TCF20: variants seen among roughly 807,000 people sequenced by gnomAD.
TCF20 encodes the protein SPRE-binding protein.
Under a neutral mutation model 148.6 loss-of-function variants are expected in TCF20, and 3 were observed. The observed-to-expected ratio is 0.02, with a 90% confidence interval of 0.01 to 0.05. TCF20 has a LOEUF of 0.05. TCF20 is among the 10% of genes least tolerant of loss of function. TCF20 has a pLI of 1.00. For synonymous variants in TCF20, 1,049 were observed against 909.5 expected (o/e 1.15, Z -2.76); for missense variants, 2,350 against 2,429.3 (o/e 0.97, Z 0.69).
At chr22:42,236,175 C>CA (rs1923865876) in intron 1 of TCF20, among the ~76,000 whole-genome samples, 1 of 151,298 alleles carries the variant, frequency 6.6e-6, no homozygotes, top group Non-Finnish European at 1.5e-5. Flanking sequence ...GATTCCACTT[C>CA]AAAAAAACAA....
Position 42,214,833 on chromosome 22 carries a change from C to A in TCF20, c.473G>T (p.Gly158Val), listed in dbSNP as rs1298558588. 1 of 1,614,066 alleles carries A rather than the reference C, an allele frequency of 6.2e-7. No individual in the cohort carries two copies. The highest frequency in any genetic ancestry group is 1.3e-5 in the African/African-American group (1 of 75,016). ...CTGAGCACTCCCTGGAGAGAAAGGCCCAGTGTAATCCTGCTGATAATGTGA... is the reference window on the plus strand; with the variant it reads ...CTGAGCACTCCCTGGAGAGAAAGGCACAGTGTAATCCTGCTGATAATGTGA... ...GVSHYQQDYTGPFSPGSAQYQ... is the reference protein window; with the variant it reads ...GVSHYQQDYTVPFSPGSAQYQ... Residue 158 changes from glycine (G) to valine (V), a missense_variant, in exon 2 of 6, where the codon GGG becomes GTG. By Grantham distance (109) the Gly-to-Val change is moderately radical. Around this residue, in one of 7 missense-constraint regions of TCF20, gnomAD observed 1,641 missense variants for 1,662.6 expected, o/e 0.99. Coordinates refer to ENST00000677622, the MANE Select transcript of TCF20 (RefSeq NM_001378418.1).
At chr22:42,202,051 T>C (rs1011601947) in intron 2 of TCF20, among the ~76,000 whole-genome samples, 1 of 152,162 alleles carries the variant, frequency 6.6e-6, no homozygotes, top group African/African-American at 2.4e-5. Flanking sequence ...CGCAGCAAAC[T>C]TGAGTTTCCA....
intron 2 of TCF20, among the ~76,000 whole-genome samples, chr22:42,181,926 G>A (rs1936795883): frequency 6.6e-6 from 1 of 152,022 alleles, no homozygotes; most frequent in Admixed American, 6.6e-5. Flanking sequence ...GAGACAAGAG[G>A]GAGGAACAGG....
chr22:42,332,532 G>C (rs1394026037), intron 1 of TCF20, among the ~76,000 whole-genome samples: 1 of 152,056 alleles, frequency 6.6e-6, no homozygotes, highest in Non-Finnish European at 1.5e-5. Context: ...GCGGAGTCTC[G>C]CTCTGTTGTT....
chr22:42,288,263 C>T (rs940340230), upstream of TCF20, among the ~76,000 whole-genome samples: 2 of 152,100 alleles, frequency 1.3e-5, no homozygotes, highest in Non-Finnish European at 2.9e-5. Flanking sequence ...CATGGCCAGG[C>T]GCGGTGGCTC....
At chr22:42,285,827 T>G (rs1927020951), upstream of TCF20, among the ~76,000 whole-genome samples, 3 of 151,926 alleles carry the variant, frequency 2.0e-5, no homozygotes, top group South Asian at 6.2e-4. This position sits in a 1 kb window ranked among gnomAD's most constrained non-coding sequence, Gnocchi z 4.2. Flanking sequence ...TGCTGTTCTC[T>G]CTCCTCCCCC....
In TCF20 at chr22:42,207,350, C is replaced by CA. The variant is rs61476641; in HGVS notation, c.5655+2300dup. ...GAAATCTCAAGATTTTTCTCTGGAA[C>CA]AAAAAAAAAAATGTTTTTTTTTCCT... On this transcript the variant is annotated intron_variant, in intron 2 of 5. Coordinates refer to ENST00000677622, the MANE Select transcript of TCF20 (RefSeq NM_001378418.1). Among the ~76,000 whole-genome samples the CA allele has an allele frequency of 6.1e-3, 861 of 142,114 alleles. 2 individuals carry two copies. Among genetic ancestry groups the CA allele is most frequent in the Non-Finnish European group, 7.6e-3 (490 of 64,720 alleles). The allele number at this position is 142,114 out of a possible 152,430, so 93.2% of individuals were successfully genotyped here. A position where few individuals can be genotyped will look rare whatever the true frequency, so the allele number is the denominator to read the frequency against.
rs1689792916 is a variant in TCF20 at position 42,194,452 on chromosome 22, G to A, written c.5656-14750C>T. ...ACAGATACTATCAACAACCCCGGCC[G>A]CCTTGCACAATGTTCCTCAGGTCTC... On this transcript the variant is annotated intron_variant, in intron 2 of 5. Transcript: ENST00000677622. Among the ~76,000 whole-genome samples the A allele has an allele frequency of 3.9e-5, 6 of 152,282 alleles. No homozygotes were observed. The South Asian group carries it at 1.2e-3, about 32-fold the overall frequency.
chr22:42,324,126 G>A (rs1927819691), intron 1 of TCF20, among the ~76,000 whole-genome samples: 1 of 127,610 alleles, frequency 7.8e-6, no homozygotes, highest in South Asian at 2.4e-4. Flanking sequence ...TGGTGGTTAT[G>A]GTGGTGGTGG....
At chr22:42,341,526 G>A (rs976680399) in intron 1 of TCF20, among the ~76,000 whole-genome samples, 1 of 152,128 alleles carries the variant, frequency 6.6e-6, no homozygotes, top group East Asian at 1.9e-4. Flanking sequence ...GTCAATCCTC[G>A]GCTTCTCAAT....
At chr22:42,244,917 A>T (rs1400669834) in intron 1 of TCF20, among the ~76,000 whole-genome samples, 6 of 90,818 alleles carry the variant, frequency 6.6e-5, no homozygotes, top group Admixed American at 1.9e-4. Context: ...CCATCTCTAC[A>T]AAAAAAAATA....
chr22:42,274,867 G>C (rs1460683965), upstream of TCF20: 1 of 152,208 alleles, frequency 6.6e-6, no homozygotes, highest in Non-Finnish European at 1.5e-5. Flanking sequence ...GGATGATACA[G>C]CCCAGAGGAA....
At chr22:42,261,374 T>C (rs1054146131) in intron 1 of TCF20, among the ~76,000 whole-genome samples, 3 of 152,226 alleles carry the variant, frequency 2.0e-5, no homozygotes, top group Admixed American at 6.5e-5. Flanking sequence ...ACAGGGCAGA[T>C]GTATGTTCAA....
At chr22:42,252,700 C>T (rs1330410552) in intron 1 of TCF20, among the ~76,000 whole-genome samples, 1 of 152,190 alleles carries the variant, frequency 6.6e-6, no homozygotes, top group African/African-American at 2.4e-5. Flanking sequence ...CCGCTGCTCA[C>T]CTCGGCCTCC....
At chr22:42,182,087 G>A (rs939457803) in intron 2 of TCF20, among the ~76,000 whole-genome samples, 2 of 152,174 alleles carry the variant, frequency 1.3e-5, no homozygotes, top group Admixed American at 1.3e-4. Flanking sequence ...CCATGACACT[G>A]TCAAGCACTA....
chr22:42,214,976 C>A lies in TCF20; in HGVS notation c.330G>T (p.Arg110Ser). The stretch of plus-strand genomic sequence containing the variant: ...CATAGCTCTGCACAGGCCCAGAAGG[C>A]CTTCGCTGAGGAGGCTGTGGGGTTC... Reference protein sequence around the residue: ...TTGTPQPPQRRPSGPVQSYGP... With the variant: ...TTGTPQPPQRSPSGPVQSYGP... Residue 110 changes from arginine to serine, a missense_variant, in exon 2 of 6, where the codon AGG becomes AGT. Physicochemically the swap from Arg to Ser is moderately radical, Grantham distance 110. Coordinates refer to ENST00000677622, the MANE Select transcript of TCF20 (RefSeq NM_001378418.1). The A allele has an allele frequency of 6.2e-7, 1 of 1,614,214 alleles. No individual in the cohort carries two copies.
intron 1 of TCF20, among the ~76,000 whole-genome samples, chr22:42,253,417 A>G (rs1223388097): frequency 6.6e-6 from 1 of 152,200 alleles, no homozygotes; most frequent in Non-Finnish European, 1.5e-5. Context: ...AAGTAGAGAT[A>G]ATGCTTTGTC....
chr22:42,173,936 G>A (rs2147073263), intron 3 of TCF20, among the ~76,000 whole-genome samples: 1 of 152,280 alleles, frequency 6.6e-6, no homozygotes, highest in Non-Finnish European at 1.5e-5. Context: ...AAATAGAGAT[G>A]CTACCAGCTT....
At chr22:42,222,572 C>T (rs955766296) in intron 1 of TCF20, among the ~76,000 whole-genome samples, 3 of 152,258 alleles carry the variant, frequency 2.0e-5, no homozygotes, top group Middle Eastern at 3.4e-3. Flanking sequence ...GCCTGCTCAG[C>T]CCCCTTTGTG....
Sources: gnomAD v4.1 joint callset for allele counts (sites outside exome capture counted in the v4.1 genomes callset) on GRCh38, gnomAD v4.1.1 for gene constraint, gnomAD v4.1.1 regional missense constraint, Gnocchi (gnomAD v3.1) non-coding constraint, MANE v1.5 for transcripts, NCBI Gene and HGNC (gene_info 2026-07-23, HGNC 2026-07-21) for gene names.